Variants in DDX1 observed in about 807,000 individuals in gnomAD.
DDX1 encodes ATP-dependent RNA helicase DDX1.
In DDX1, 28 loss-of-function variants were observed where a neutral mutation model predicts 108.7. That is an observed-to-expected ratio of 0.26 (90% CI 0.19 to 0.35). The LOEUF is 0.35. DDX1 is among the 10% of genes least tolerant of loss of function. The probability of loss-of-function intolerance (pLI) is 1.00; values close to 1 mark genes in which losing one functional copy is unlikely to be tolerated. For synonymous variants in DDX1, 295 were observed against 288.9 expected, an observed-to-expected ratio of 1.02 and a Z score of -0.21; for missense variants, 710 against 884.5, an observed-to-expected ratio of 0.80 and a Z score of 2.50.
At chr2:15,593,835 G>A (rs983375302) in intron 1 of DDX1, among the ~76,000 whole-genome samples, 3 of 151,830 alleles carry the variant, frequency 2.0e-5, no homozygotes, top group African/African-American at 4.8e-5. Flanking sequence ...CCAGCACTTT[G>A]GGAGTCCAAG....
chr2:15,607,121 A>G (rs748328435), intron 12 of DDX1, 54 bp from the exon 13 acceptor site: 3 of 1,468,002 alleles, frequency 2.0e-6, no homozygotes, highest in Non-Finnish European at 1.9e-6. Context: ...TTTTATAAGT[A>G]ACAGTATTAT....
At chr2:15,603,576 A>G (rs918517201) in intron 8 of DDX1, among the ~76,000 whole-genome samples, 7 of 152,198 alleles carry the variant, frequency 4.6e-5, no homozygotes, top group African/African-American at 1.2e-4. Context: ...GTAAACTTGC[A>G]TCTGAATTTC....
At chr2:15,592,935 TG>T (rs1305650686) in intron 1 of DDX1, among the ~76,000 whole-genome samples, 1 of 64,142 alleles carries the variant, frequency 1.6e-5, no homozygotes, top group African/African-American at 5.9e-5. Flanking sequence ...AATGGGGGGG[TG>T]GGGGGATGTA....
At chr2:15,620,056 A>G (rs1665970240) in intron 16 of DDX1, 152 bp from the exon 17 acceptor site, 1 of 665,474 alleles carries the variant, frequency 1.5e-6, no homozygotes, top group Admixed American at 3.0e-5. Context: ...ACCTGCCCAA[A>G]GTCATAACTC....
At chr2:15,604,747 TA>T (rs2148739830) in intron 10 of DDX1, among the ~76,000 whole-genome samples, 1 of 152,286 alleles carries the variant, frequency 6.6e-6, no homozygotes, top group African/African-American at 2.4e-5. Flanking sequence ...AGACATATAA[TA>T]CCATGTTAGG....
At chr2:15,618,745 C>T (rs1205656545) in intron 16 of DDX1, among the ~76,000 whole-genome samples, 1 of 152,254 alleles carries the variant, frequency 6.6e-6, no homozygotes, top group Non-Finnish European at 1.5e-5. Flanking sequence ...CCAAGGGACA[C>T]GTGCAGGCCA....
At chr2:15,611,781 C>T (rs1258891004) in intron 13 of DDX1, among the ~76,000 whole-genome samples, 6 of 89,734 alleles carry the variant, frequency 6.7e-5, no homozygotes, top group African/African-American at 1.7e-4. Context: ...GCTGGCCGGG[C>T]GGGGGGCTGA....
chr2:15,628,161 A>G (rs925751707), intron 20 of DDX1, among the ~76,000 whole-genome samples: 2 of 152,200 alleles, frequency 1.3e-5, no homozygotes, highest in Non-Finnish European at 2.9e-5. Flanking sequence ...AAAGATATTT[A>G]TAAAGATTAA....
intron 12 of DDX1, 132 bp downstream of exon 12, chr2:15,606,396 C>G (rs1368972662): frequency 1.6e-6 from 1 of 610,654 alleles, no homozygotes; most frequent in Non-Finnish European, 2.8e-6. Context: ...TTTTTTAACA[C>G]AGCAGTAAAA....
chr2:15,630,970 T>G lies in DDX1; in HGVS notation c.*64T>G, dbSNP rs1666185628. Reference sequence around the variant, plus strand: ...CTGTAGTCTTAAAACTCTAAAACAGTTGTACTGCTTCCAAGCAGCAGTATT... The same window carrying G: ...CTGTAGTCTTAAAACTCTAAAACAGGTGTACTGCTTCCAAGCAGCAGTATT... On this transcript the variant is annotated 3_prime_UTR_variant, in exon 26 of 26. Transcript: ENST00000233084. 5 of 1,503,864 alleles carry G rather than the reference T, an allele frequency of 3.3e-6. No homozygotes were observed. The South Asian group carries it at 4.7e-5, about 14-fold the overall frequency. 93.2% of individuals were successfully genotyped at this position (1,503,864 alleles called of 1,614,324 possible).
chr2:15,618,640 C>G (rs1389965545), intron 16 of DDX1, among the ~76,000 whole-genome samples: 1 of 152,240 alleles, frequency 6.6e-6, no homozygotes, highest in Non-Finnish European at 1.5e-5. Context: ...CAGGTCTTCC[C>G]CAGTTGAAGG....
chr2:15,617,750 A>G (rs79590970), intron 15 of DDX1, among the ~76,000 whole-genome samples: 1,741 of 152,304 alleles, frequency 0.011, 32 homozygotes, highest in African/African-American at 0.04. Context: ...TCCTTGTGTC[A>G]GAGATACAAA....
chr2:15,628,516 T>C lies in DDX1; in HGVS notation c.1758T>C (p.Tyr586=). The C allele has an allele frequency of 6.2e-7, 1 of 1,612,620 alleles. No homozygotes were observed. Among genetic ancestry groups the C allele is most frequent in the Non-Finnish European group, 8.5e-7 (1 of 1,178,722 alleles). Reference sequence around the variant, plus strand: ...GAATTGATATCCACGGTGTTCCTTATGGTAAAAAGCAACTTTTTATGCCTG... The same window carrying C: ...GAATTGATATCCACGGTGTTCCTTACGGTAAAAAGCAACTTTTTATGCCTG... ...ARGIDIHGVP[Y]VINVTLPDEK... is the part of the protein sequence containing the mutation. Residue 586 remains tyrosine (Y), a splice_region_variant and synonymous_variant, in exon 21 of 26, where the codon TAT becomes TAC. Coordinates refer to ENST00000233084, the MANE Select transcript of DDX1 (RefSeq NM_004939.3).
At chr2:15,595,073 A>G in intron 1 of DDX1, 72 bp from the exon 2 acceptor site, 1 of 1,183,924 alleles carries the variant, frequency 8.4e-7, no homozygotes, top group Non-Finnish European at 1.2e-6. Flanking sequence ...TGTTTTATGA[A>G]TAGTAATTTT....
At chr2:15,619,977 G>A (rs533974176) in intron 16 of DDX1, among the ~76,000 whole-genome samples, 3 of 152,156 alleles carry the variant, frequency 2.0e-5, no homozygotes, top group African/African-American at 7.2e-5. Flanking sequence ...CTTAGTTTTT[G>A]TAGGGACGTG....
chr2:15,602,901 A>G (rs1665609410), intron 7 of DDX1, among the ~76,000 whole-genome samples: 3 of 152,086 alleles, frequency 2.0e-5, no homozygotes, highest in African/African-American at 7.2e-5. Context: ...TTTAGTAGAG[A>G]TGGGTTTCAC....
intron 5 of DDX1, among the ~76,000 whole-genome samples, chr2:15,597,731 G>C (rs1161453444): frequency 6.6e-6 from 1 of 152,066 alleles, no homozygotes. Flanking sequence ...CAATATTATA[G>C]TGTTTTTCTT....
rs142143878 is a variant in DDX1, at chr2:15,606,233, G to A, written c.786G>A (p.Pro262=). Residue 262 remains proline (P), a synonymous_variant, in exon 12 of 26, where the codon CCG becomes CCA. Transcript: ENST00000233084. ...GCTTTGTTGCTCTTTCCAAGGCACC[G>A]GATGGTTACATTGTCAAATCACAGC... ...KDGFVALSKA[P]DGYIVKSQHS... The A allele has an allele frequency of 3.9e-5, 63 of 1,613,710 alleles. No individual in the cohort carries two copies. The highest frequency in any genetic ancestry group is 8.8e-5 in the South Asian group (8 of 91,060).
intron 5 of DDX1, among the ~76,000 whole-genome samples, chr2:15,598,774 C>G (rs376963781): frequency 6.6e-6 from 1 of 152,222 alleles, no homozygotes; most frequent in South Asian, 2.1e-4. Flanking sequence ...CTAGAAAGCA[C>G]GTAGAGCTCT....
Sources: gnomAD v4.1 joint callset for allele counts (sites outside exome capture counted in the v4.1 genomes callset) on GRCh38, gnomAD v4.1.1 for gene constraint, MANE v1.5 for transcripts, NCBI Gene and HGNC (gene_info 2026-07-23, HGNC 2026-07-21) for gene names.